TJP2: variants seen among roughly 807,000 people sequenced by gnomAD.
TJP2 encodes Friedreich ataxia region gene X104 (tight junction protein ZO-2).
TJP2 carries 91 observed loss-of-function variants against 133.1 expected under a neutral mutation model. The ratio of observed to expected loss-of-function variants is 0.68; its 90% CI spans 0.58 to 0.81. The LOEUF (loss-of-function observed/expected upper bound fraction) is 0.81. Ranked by LOEUF, TJP2 falls within the 40% of genes least tolerant of loss-of-function variation. TJP2 has a pLI of 0.00. For missense variants in TJP2, 1,541 were observed against 1,565.6 expected (o/e 0.98, Z 0.26); for synonymous variants, 592 against 583.4 (o/e 1.01, Z -0.21).
chr9:69,211,996 A>C (rs1272694175), intron 1 of TJP2, among the ~76,000 whole-genome samples: 1 of 152,126 alleles, frequency 6.6e-6, no homozygotes, highest in African/African-American at 2.4e-5. Context: ...CCTACTTTGG[A>C]ATATTGTCAG....
At chr9:69,225,187 A>G (rs1256621496) in intron 5 of TJP2, 117 bp from the exon 6 acceptor site, 2 of 704,452 alleles carry the variant, frequency 2.8e-6, no homozygotes, top group East Asian at 5.7e-5. Context: ...ATCTTACAGA[A>G]TTTCCCATAT....
chr9:69,188,579 C>T (rs948478431), intron 1 of TJP2, among the ~76,000 whole-genome samples: 5 of 152,178 alleles, frequency 3.3e-5, no homozygotes, highest in Admixed American at 2.6e-4. Context: ...ATTTGTATTC[C>T]TAGAGAATCT....
At chr9:69,223,188 T>G (rs1418632010) in intron 5 of TJP2, among the ~76,000 whole-genome samples, 1 of 152,002 alleles carries the variant, frequency 6.6e-6, no homozygotes, top group Non-Finnish European at 1.5e-5. Context: ...AGGACAGTAC[T>G]CCGCCTAATC....
chr9:69,236,614 A>G (rs1159649360), intron 13 of TJP2, among the ~76,000 whole-genome samples: 2 of 152,068 alleles, frequency 1.3e-5, no homozygotes, highest in Non-Finnish European at 2.9e-5. Context: ...CCCAGTGAAC[A>G]CTTGGTGTTT....
intron 1 of TJP2, among the ~76,000 whole-genome samples, chr9:69,199,091 A>C (rs1409978042): frequency 6.6e-6 from 1 of 152,204 alleles, no homozygotes; most frequent in Admixed American, 6.5e-5. Flanking sequence ...AGTTAAAACC[A>C]ATTTCCTGGG....
At chr9:69,177,271 A>G (rs1254617941) in intron 1 of TJP2, among the ~76,000 whole-genome samples, 3 of 152,172 alleles carry the variant, frequency 2.0e-5, no homozygotes, top group Non-Finnish European at 2.9e-5. Context: ...CCCAGATGGG[A>G]GTGGAGGGAA....
chr9:69,135,292 AC>A (rs2133258013), intron 1 of TJP2, among the ~76,000 whole-genome samples: 2 of 152,236 alleles, frequency 1.3e-5, no homozygotes, highest in African/African-American at 4.8e-5. Flanking sequence ...TCATTCTCAA[AC>A]AATCTCACTA....
chr9:69,123,166 A>T (rs1197123678), intron 1 of TJP2, among the ~76,000 whole-genome samples: 8 of 152,238 alleles, frequency 5.3e-5, no homozygotes, highest in Admixed American at 2.0e-4. Flanking sequence ...TTACATTTCC[A>T]TCCGGTTATG....
chr9:69,176,253 C>T (rs143430684), intron 1 of TJP2, among the ~76,000 whole-genome samples: 68 of 152,290 alleles, frequency 4.5e-4, no homozygotes, highest in African/African-American at 1.6e-3. Context: ...GCCCACCTCA[C>T]CGGGCTGAGT....
intron 10 of TJP2, among the ~76,000 whole-genome samples, chr9:69,229,765 G>T (rs375394743): frequency 6.6e-6 from 1 of 152,350 alleles, no homozygotes; most frequent in East Asian, 1.9e-4. Flanking sequence ...CAAGAATGCA[G>T]TGCAAGCGGG....
At chr9:69,212,028 A>G (rs1314201750) in intron 1 of TJP2, among the ~76,000 whole-genome samples, 1 of 152,202 alleles carries the variant, frequency 6.6e-6, no homozygotes, top group Non-Finnish European at 1.5e-5. Context: ...CCAGTGGTCT[A>G]TTTATGAAGA....
Position 69,228,044 on chromosome 9 carries a change from C to T in TJP2, c.1383C>T (p.Ser461=). The change falls in exon 9 of 23, where the codon TCC becomes TCT. Residue 461 remains serine (S), a synonymous_variant. Transcript: ENST00000377245. ...GTGCGACACCCACTCCCTTTAAGTC[C>T]ACAGGGGATATTGCAGGCACAGTTG... The part of the protein sequence containing the change: ...RMGATPTPFK[S]TGDIAGTVVP... The T allele has an allele frequency of 6.2e-7, 1 of 1,613,954 alleles. No homozygotes were observed. The highest frequency in any genetic ancestry group is 8.5e-7 in the Non-Finnish European group (1 of 1,179,934).
chr9:69,210,782 G>A (rs1827845349), intron 1 of TJP2, among the ~76,000 whole-genome samples: 1 of 145,596 alleles, frequency 6.9e-6, no homozygotes, highest in South Asian at 2.2e-4. Context: ...ATATACAGAT[G>A]GGGTCTCACT....
chr9:69,184,065 T>C (rs1254431173), intron 1 of TJP2, among the ~76,000 whole-genome samples: 1 of 152,176 alleles, frequency 6.6e-6, no homozygotes, highest in Non-Finnish European at 1.5e-5. Context: ...CAAATAAACC[T>C]GGGTGTGAAT....
intron 2 of TJP2, among the ~76,000 whole-genome samples, chr9:69,158,708 C>T (rs1823901221): frequency 2.0e-5 from 3 of 152,138 alleles, no homozygotes; most frequent in Non-Finnish European, 2.9e-5. Context: ...CTGCTTCAGC[C>T]TCCCAAAGTG....
intron 1 of TJP2, among the ~76,000 whole-genome samples, chr9:69,188,371 T>C (rs1044462879): frequency 2.6e-5 from 4 of 152,020 alleles, no homozygotes; most frequent in African/African-American, 9.7e-5. Context: ...ATTAAGTAAA[T>C]TGCCCAGTGT....
intron 2 of TJP2, among the ~76,000 whole-genome samples, chr9:69,159,626 C>T (rs1015929184): frequency 1.3e-5 from 2 of 151,988 alleles, no homozygotes; most frequent in Non-Finnish European, 2.9e-5. Context: ...CGCCTGTAAT[C>T]CCAGCACTTT....
chr9:69,209,911 A>C (rs528019043), intron 1 of TJP2, among the ~76,000 whole-genome samples: 1 of 152,292 alleles, frequency 6.6e-6, no homozygotes, highest in South Asian at 2.1e-4. Context: ...TCAGACCATG[A>C]GCACCTGAGT....
At chr9:69,184,937 A>T (rs934249187) in intron 1 of TJP2, among the ~76,000 whole-genome samples, 4 of 151,912 alleles carry the variant, frequency 2.6e-5, no homozygotes, top group East Asian at 1.9e-4. Flanking sequence ...TTTTGTAGAG[A>T]TGAGGTCTGT....
Sources: allele counts gnomAD v4.1 joint callset (sites outside exome capture counted in the v4.1 genomes callset), GRCh38; gene constraint gnomAD v4.1.1; transcripts MANE v1.5; gene names NCBI Gene and HGNC (gene_info 2026-07-23, HGNC 2026-07-21).